SLC5A4: variants seen among roughly 807,000 people sequenced by gnomAD.
SLC5A4 encodes the protein probable glucose sensor protein SLC5A4.
A neutral mutation model predicts 70.3 loss-of-function variants in SLC5A4; 55 were observed. That is an observed-to-expected ratio of 0.78 (90% CI 0.63 to 0.98). SLC5A4 has a LOEUF of 0.98. Among genes scored for constraint, SLC5A4 ranks in the 50% least tolerant of loss-of-function variants. The pLI is 0.00. For synonymous variants in SLC5A4, 268 were observed against 305.7 expected, an observed-to-expected ratio of 0.88 and a Z score of 1.29; for missense variants, 735 against 839.2, an observed-to-expected ratio of 0.88 and a Z score of 1.53.
At chr22:32,305,077 C>G in the SLC5A4 span, among the ~76,000 whole-genome samples, 1 of 151,876 alleles carries the variant, frequency 6.6e-6, no homozygotes, top group Non-Finnish European at 1.5e-5. Context: ...TGTTCATTGT[C>G]TGTTCTTTTG....
the SLC5A4 span, among the ~76,000 whole-genome samples, chr22:32,266,688 G>T: frequency 6.6e-6 from 1 of 152,200 alleles, no homozygotes; most frequent in South Asian, 2.1e-4. Context: ...CATAACTTTT[G>T]ACTTCCCAAT....
the SLC5A4 span, among the ~76,000 whole-genome samples, chr22:32,290,645 G>A: frequency 6.6e-6 from 1 of 152,112 alleles, no homozygotes; most frequent in Non-Finnish European, 1.5e-5. Context: ...ATTTCTCACA[G>A]TTCTGAATAC....
chr22:32,255,434 C>G, upstream of SLC5A4: 1 of 1,273,880 alleles, frequency 7.9e-7, no homozygotes, highest in Non-Finnish European at 1.1e-6. Context: ...AGAGCCAGCT[C>G]CTGGATATGG....
At chr22:32,331,052 G>A in the SLC5A4 span, among the ~76,000 whole-genome samples, 1 of 144,064 alleles carries the variant, frequency 6.9e-6, no homozygotes. Context: ...GTGTGTGTGT[G>A]TTGGAGGCTC....
At chr22:32,299,401 C>T in the SLC5A4 span, among the ~76,000 whole-genome samples, 49 of 122,188 alleles carry the variant, frequency 4.0e-4, no homozygotes, top group Non-Finnish European at 5.9e-4. Context: ...TCATTTCATT[C>T]ATTTCATCTT....
the SLC5A4 span, among the ~76,000 whole-genome samples, chr22:32,340,759 CAGTGG>C: frequency 3.3e-5 from 5 of 152,000 alleles, no homozygotes; most frequent in Non-Finnish European, 7.4e-5. Context: ...GACAGAGGGA[CAGTGG>C]GGTGGGGTGG....
At chr22:32,265,903 C>A in the SLC5A4 span, among the ~76,000 whole-genome samples, 1 of 152,172 alleles carries the variant, frequency 6.6e-6, no homozygotes, top group African/African-American at 2.4e-5. Flanking sequence ...CAGCTCTCAA[C>A]TAAGTTTGAC....
At chr22:32,318,799 C>T in the SLC5A4 span, among the ~76,000 whole-genome samples, 1 of 152,190 alleles carries the variant, frequency 6.6e-6, no homozygotes, top group African/African-American at 2.4e-5. Flanking sequence ...GAAGCTAAAG[C>T]CCTTCCCACC....
At chr22:32,291,914 T>A in the SLC5A4 span, among the ~76,000 whole-genome samples, 1 of 144,480 alleles carries the variant, frequency 6.9e-6, no homozygotes, top group East Asian at 2.0e-4. Context: ...ATTCTGTCAC[T>A]CAGGCTGGAG....
rs922307483 is a variant in SLC5A4, at chr22:32,251,831, T to C, written c.251A>G (p.Tyr84Cys). The change falls in exon 3 of 15, where the codon TAT becomes TGT. Residue 84 changes from tyrosine to cysteine, a missense_variant. Tyr to Cys is a radical substitution (Grantham distance 194). Coordinates refer to ENST00000266086, the MANE Select transcript of SLC5A4 (RefSeq NM_014227.3). Reference sequence around the variant, plus strand: ...TGCTCCTGTCCCAGCCAGCCCCACATAGTGGTTGCTGCCGATGTTACTGGC... The same window carrying C: ...TGCTCCTGTCCCAGCCAGCCCCACACAGTGGTTGCTGCCGATGTTACTGGC... ...LFASNIGSNH[Y>C]VGLAGTGAAS... 6 of 1,613,824 alleles carry C rather than the reference T, an allele frequency of 3.7e-6. No individual in the cohort carries two copies. The highest frequency in any genetic ancestry group is 1.1e-5 in the South Asian group (1 of 91,078).
At chr22:32,282,610 G>T in the SLC5A4 span, among the ~76,000 whole-genome samples, 1 of 151,978 alleles carries the variant, frequency 6.6e-6, no homozygotes, top group Non-Finnish European at 1.5e-5. Context: ...TCCCATGTAC[G>T]CCTCCAGCCT....
At chr22:32,260,363 G>A in the SLC5A4 span, among the ~76,000 whole-genome samples, 4 of 152,096 alleles carry the variant, frequency 2.6e-5, no homozygotes, top group Non-Finnish European at 4.4e-5. Flanking sequence ...CCCCCCAGCC[G>A]TCACCTCTTA....
At chr22:32,323,534 G>A in the SLC5A4 span, among the ~76,000 whole-genome samples, 1 of 152,192 alleles carries the variant, frequency 6.6e-6, no homozygotes, top group Non-Finnish European at 1.5e-5. Flanking sequence ...CCCAGGACCT[G>A]GTGACTATTC....
At chr22:32,314,580 G>A in the SLC5A4 span, among the ~76,000 whole-genome samples, 4 of 152,172 alleles carry the variant, frequency 2.6e-5, no homozygotes, top group African/African-American at 9.7e-5. Flanking sequence ...GAATGATTCA[G>A]AAAAGTTTAA....
chr22:32,330,041 C>G, the SLC5A4 span, among the ~76,000 whole-genome samples: 7,257 of 7,370 alleles, frequency 0.98, 3,623 homozygotes, highest in Middle Eastern at 1. Context: ...GGGCTCTGGT[C>G]TGTGTGTGTT....
rs767825352 is a variant in SLC5A4, at chr22:32,224,301, A to G, written c.1631T>C (p.Ile544Thr). The G allele has an allele frequency of 3.7e-6, 6 of 1,614,016 alleles. No individual in the cohort carries two copies. The Admixed American group carries it at 6.7e-5, about 18-fold the overall frequency. Reference protein sequence around the residue: ...FFGSMLVTLGISLLTKPIPDV... With the variant: ...FFGSMLVTLGTSLLTKPIPDV... Reference sequence around the variant, plus strand: ...AGGAATGGGTTTTGTTAAGAGGGAAATTCCCAGGGTGACCAGCATGGACCC... The same window carrying G: ...AGGAATGGGTTTTGTTAAGAGGGAAGTTCCCAGGGTGACCAGCATGGACCC... The change falls in exon 13 of 15, where the codon ATT (isoleucine) becomes ACT (threonine). Residue 544 changes from isoleucine to threonine, a missense_variant. Physicochemically the swap from Ile to Thr is moderately conservative, Grantham distance 89. Coordinates refer to ENST00000266086, the MANE Select transcript of SLC5A4 (RefSeq NM_014227.3).
chr22:32,290,589 G>T, the SLC5A4 span, among the ~76,000 whole-genome samples: 1 of 152,114 alleles, frequency 6.6e-6, no homozygotes. Flanking sequence ...TTGGGTTGCT[G>T]TGACAAAATA....
the SLC5A4 span, chr22:32,285,106 T>C: frequency 6.6e-6 from 1 of 152,202 alleles, no homozygotes; most frequent in East Asian, 1.9e-4. Flanking sequence ...AATCTTTTAG[T>C]GTTAATAAAT....
chr22:32,260,358 C>T, the SLC5A4 span, among the ~76,000 whole-genome samples: 1 of 152,140 alleles, frequency 6.6e-6, no homozygotes, highest in Non-Finnish European at 1.5e-5. Context: ...TCACTCCCCC[C>T]AGCCGTCACC....
Sources: gnomAD v4.1 joint callset for allele counts (sites outside exome capture counted in the v4.1 genomes callset) on GRCh38, gnomAD v4.1.1 for gene constraint, MANE v1.5 for transcripts, NCBI Gene and HGNC (gene_info 2026-07-23, HGNC 2026-07-21) for gene names.